The following PCDHA2 variants were observed in gnomAD, a reference collection of about 807,000 sequenced individuals.
PCDHA2 encodes the protein protocadherin alpha-2.
Under a neutral mutation model 66.0 loss-of-function variants are expected in PCDHA2, and 58 were observed. The observed-to-expected ratio is 0.88, with a 90% CI of 0.71 to 1.09. The LOEUF (loss-of-function observed/expected upper bound fraction) is 1.09, where lower values mean the gene tolerates loss of function less well. Ranked by LOEUF, PCDHA2 falls within the 50% of genes least tolerant of loss-of-function variation. The pLI is 0.00. For synonymous variants in PCDHA2, 634 were observed against 554.0 expected (o/e 1.14, Z -2.03); for missense variants, 1,267 against 1,242.3 (o/e 1.02, Z -0.30).
chr5:140,908,287 C>G (rs781987945), intron 1 of PCDHA2, among the ~76,000 whole-genome samples: 1 of 152,136 alleles, frequency 6.6e-6, no homozygotes, highest in African/African-American at 2.4e-5. Flanking sequence ...TTGTTGCAAG[C>G]TGGGGAAGAG....
At chr5:140,829,606 G>C (rs782620810) in intron 1 of PCDHA2, 7 of 1,611,952 alleles carry the variant, frequency 4.3e-6, no homozygotes, top group African/African-American at 2.7e-5. Flanking sequence ...GCGCGTTGTC[G>C]AGCTACATTT....
intron 1 of PCDHA2, chr5:140,856,917 G>T: frequency 6.3e-7 from 1 of 1,595,592 alleles, no homozygotes; most frequent in South Asian, 1.1e-5. Flanking sequence ...ACGATAAGAA[G>T]GAAATTTTGG....
rs187904552 is a variant in PCDHA2 at position 140,875,781 on chromosome 5, T to C, written c.2388+78429T>C. ...TGTGCGGGCGGAGCGCGGAGTGCAGTATCCACCTGGAGGTGATCGTGGACA... is the reference window on the plus strand; with the variant it reads ...TGTGCGGGCGGAGCGCGGAGTGCAGCATCCACCTGGAGGTGATCGTGGACA... On this transcript the variant is annotated intron_variant, in intron 1 of 3. Coordinates refer to ENST00000526136, the MANE Select transcript of PCDHA2 (RefSeq NM_018905.3). 4.7e-3 allele frequency: 7,631 copies of C among 1,614,134 alleles called. 28 individuals carry two copies. Among genetic ancestry groups the C allele is most frequent in the Middle Eastern group, 6.4e-3 (39 of 6,062 alleles).
chr5:140,906,744 A>G (rs2072897297), intron 1 of PCDHA2, among the ~76,000 whole-genome samples: 1 of 152,210 alleles, frequency 6.6e-6, no homozygotes, highest in Admixed American at 6.5e-5. Context: ...CCATTGACAC[A>G]GGGCATGGTA....
At chr5:140,843,564 G>A in intron 1 of PCDHA2, 1 of 1,595,922 alleles carries the variant, frequency 6.3e-7, no homozygotes, top group Non-Finnish European at 8.6e-7. Flanking sequence ...GTGGGGAGCT[G>A]GTCATACTCG....
At chr5:140,986,862 G>A (rs1441287999) in intron 3 of PCDHA2, among the ~76,000 whole-genome samples, 2 of 152,068 alleles carry the variant, frequency 1.3e-5, no homozygotes, top group East Asian at 1.9e-4. Flanking sequence ...AACAATACCC[G>A]GAAACTTGTT....
intron 1 of PCDHA2, chr5:140,870,601 G>A (rs1554164453): frequency 1.2e-6 from 2 of 1,613,228 alleles, no homozygotes; most frequent in Admixed American, 1.7e-5. Context: ...GCGGTTGGGC[G>A]ACCGCGCGCT....
chr5:140,962,757 T>C (rs1554226219), intron 1 of PCDHA2, among the ~76,000 whole-genome samples: 1 of 152,240 alleles, frequency 6.6e-6, no homozygotes, highest in Non-Finnish European at 1.5e-5. Context: ...GGAATCCTAT[T>C]CGTTTTTAAC....
chr5:140,796,303 G>T lies in PCDHA2; in HGVS notation c.1339G>T (p.Asp447Tyr), dbSNP rs782204600. The T allele has an allele frequency of 2.3e-5, 37 of 1,614,026 alleles. No homozygotes were observed. Among genetic ancestry groups the T allele is most frequent in the Non-Finnish European group, 3.1e-5 (37 of 1,180,040 alleles). Residue 447 changes from aspartate (D) to tyrosine (Y), a missense_variant, in exon 1 of 4, where the codon GAC (aspartate) becomes TAC (tyrosine). Transcript: ENST00000526136. ...ATTSVSIEVA[D>Y]VNDNAPAFAQ... is the part of the protein sequence containing the mutation. The stretch of plus-strand genomic sequence containing the variant: ...CACCAGCGTGTCCATCGAGGTGGCC[G>T]ACGTGAACGACAACGCGCCGGCGTT...
intron 1 of PCDHA2, among the ~76,000 whole-genome samples, chr5:140,970,086 G>T (rs1263388270): frequency 6.6e-6 from 1 of 152,102 alleles, no homozygotes; most frequent in Non-Finnish European, 1.5e-5. Flanking sequence ...TTAGGGGTGT[G>T]GGGGGATGGT....
At chr5:140,809,344 CGCGCTGCGGTGCTCT>C (rs1562224731) in intron 1 of PCDHA2, 3 of 1,614,082 alleles carry the variant, frequency 1.9e-6, no homozygotes, top group Admixed American at 1.7e-5. Flanking sequence ...TGCTGTACAC[CGCGCTGCGGTGCTCT>C]GCGCTGCCCA....
chr5:141,008,439 G>A (rs2098377388), intron 3 of PCDHA2, among the ~76,000 whole-genome samples: 1 of 152,128 alleles, frequency 6.6e-6, no homozygotes, highest in African/African-American at 2.4e-5. Context: ...TGCCCAGACA[G>A]ACCATTACCC....
In PCDHA2 at chr5:140,802,051, T is replaced by G. The variant is rs781808156; in HGVS notation, c.2388+4699T>G. 3 of 1,614,052 alleles carry G rather than the reference T, an allele frequency of 1.9e-6. No individual in the cohort carries two copies. The Admixed American group carries it at 5.0e-5, about 27-fold the overall frequency. ...ATCGCGTATTCTTTCAATACGGACA[T>G]GTCAGCAGATATTCTGTCAAAATTC... On this transcript the variant is annotated intron_variant, in intron 1 of 3. Coordinates refer to ENST00000526136, the MANE Select transcript of PCDHA2 (RefSeq NM_018905.3).
At chr5:140,866,264 G>C (rs908649642) in intron 1 of PCDHA2, 1 of 152,052 alleles carries the variant, frequency 6.6e-6, no homozygotes, top group Admixed American at 6.5e-5. Flanking sequence ...TTTCTTTACT[G>C]TGAATAAAGA....
chr5:140,942,518 G>A (rs2093312014), intron 1 of PCDHA2, among the ~76,000 whole-genome samples: 1 of 151,908 alleles, frequency 6.6e-6, no homozygotes, highest in Non-Finnish European at 1.5e-5. Flanking sequence ...ACTCAGAGGG[G>A]AAGCAACTAA....
chr5:140,940,756 T>A (rs782132428), intron 1 of PCDHA2, among the ~76,000 whole-genome samples: 23 of 152,246 alleles, frequency 1.5e-4, no homozygotes, highest in Non-Finnish European at 2.8e-4. Context: ...GTGTGCCAAC[T>A]TTTATTTGAC....
At chr5:140,863,416 C>G (rs782237036) in intron 1 of PCDHA2, 14 of 719,640 alleles carry the variant, frequency 1.9e-5, no homozygotes, top group African/African-American at 3.6e-5. Context: ...GCTGGTGTAC[C>G]GCAGCGTAGT....
In PCDHA2 at chr5:141,007,395, CAAAAAAAAA is replaced by C. The variant is rs35800918; in HGVS notation, c.2537-2217_2537-2209del. 1.6e-4 allele frequency among the ~76,000 whole-genome samples: 15 copies of C among 94,844 alleles called. No individual in the cohort carries two copies. The East Asian group carries it at 2.4e-3, about 15-fold the overall frequency. The allele number at this position is 94,844 out of a possible 152,430, so 62.2% of individuals were successfully genotyped here. A position where few individuals can be genotyped will look rare whatever the true frequency, so the allele number is the denominator to read the frequency against. On this transcript the variant is annotated intron_variant, in intron 3 of 3. Transcript: ENST00000526136. The stretch of plus-strand genomic sequence containing the variant: ...ATGGAACACCATCTCTACTAAAATA[CAAAAAAAAA>C]AAAAAAAAAAAAAATTAGCCAGGCA...
intron 1 of PCDHA2, among the ~76,000 whole-genome samples, chr5:140,910,560 G>A (rs1369178001): frequency 6.6e-6 from 1 of 152,160 alleles, no homozygotes; most frequent in East Asian, 1.9e-4. Flanking sequence ...ATTAGTCAAG[G>A]ATATATTTTC....
Sources: allele counts gnomAD v4.1 joint callset (sites outside exome capture counted in the v4.1 genomes callset), GRCh38; gene constraint gnomAD v4.1.1; transcripts MANE v1.5; gene names NCBI Gene and HGNC (gene_info 2026-07-23, HGNC 2026-07-21).